Variants in CEP152 observed in about 807,000 individuals in gnomAD.
The protein encoded by CEP152 is centrosomal protein of 152 kDa.
A neutral mutation model predicts 188.9 loss-of-function variants in CEP152; 132 were observed. The ratio of observed to expected loss-of-function variants is 0.70; its 90% CI spans 0.61 to 0.81. CEP152 has a LOEUF of 0.81. CEP152 is among the 30% of genes least tolerant of loss of function. CEP152 has a pLI of 0.00. For synonymous variants in CEP152, 649 were observed against 666.6 expected, an observed-to-expected ratio of 0.97 and a Z score of 0.41; for missense variants, 1,914 against 1,969.8, an observed-to-expected ratio of 0.97 and a Z score of 0.54.
intron 21 of CEP152, among the ~76,000 whole-genome samples, chr15:48,751,157 C>T (rs1893848404): frequency 2.6e-5 from 4 of 151,984 alleles, no homozygotes; most frequent in Admixed American, 6.6e-5. Flanking sequence ...TTAATCCTTT[C>T]TAATGAATTT....
chr15:48,749,663 T>C (rs748305403), intron 21 of CEP152, among the ~76,000 whole-genome samples: 1 of 151,290 alleles, frequency 6.6e-6, no homozygotes, highest in Non-Finnish European at 1.5e-5. Flanking sequence ...AAACCCCAAA[T>C]GAGAAAAGTT....
intron 23 of CEP152, 75 bp from the exon 24 acceptor site, chr15:48,744,418 C>T: frequency 6.4e-7 from 1 of 1,573,882 alleles, no homozygotes; most frequent in Non-Finnish European, 8.6e-7. Flanking sequence ...TATATGTATC[C>T]ATATACTCTA....
chr15:48,750,930 T>C (rs1893827749), intron 21 of CEP152, among the ~76,000 whole-genome samples: 1 of 152,164 alleles, frequency 6.6e-6, no homozygotes, highest in South Asian at 2.1e-4. Flanking sequence ...TGATGTTCTG[T>C]ACCTTAAGCT....
intron 18 of CEP152, among the ~76,000 whole-genome samples, chr15:48,760,958 C>T (rs1356808188): frequency 6.6e-6 from 1 of 152,042 alleles, no homozygotes; most frequent in East Asian, 1.9e-4. Flanking sequence ...CTGTATTTCT[C>T]GTTAAAGTGC....
intron 10 of CEP152, among the ~76,000 whole-genome samples, chr15:48,782,784 G>C (rs1896340981): frequency 6.6e-6 from 1 of 152,088 alleles, no homozygotes; most frequent in Non-Finnish European, 1.5e-5. Context: ...ACATTATTAG[G>C]TTTCAAAAGA....
chr15:48,772,673 G>A lies in CEP152; in HGVS notation c.1596C>T (p.Asp532=). The change falls in exon 13 of 27, where the codon GAC becomes GAT. Residue 532 remains aspartate (D), a synonymous_variant. Transcript: ENST00000380950. ...SKVTSIVQEE[D]PNEELSKDEF... Reference sequence around the variant, plus strand: ...CATCTTTTGAAAGCTCTTCATTTGGGTCTTCTTCTTGTACAATGCTAATGG... The same window carrying A: ...CATCTTTTGAAAGCTCTTCATTTGGATCTTCTTCTTGTACAATGCTAATGG... The A allele has an allele frequency of 6.2e-7, 1 of 1,613,850 alleles. No homozygotes were observed. Among genetic ancestry groups the A allele is most frequent in the Non-Finnish European group, 8.5e-7 (1 of 1,179,930 alleles).
At chr15:48,783,178 A>G (rs1384083911) in intron 10 of CEP152, 2 of 152,206 alleles carry the variant, frequency 1.3e-5, no homozygotes, top group Non-Finnish European at 2.9e-5. Flanking sequence ...TTTTGTCTAT[A>G]TAGCGGTGTT....
chr15:48,758,887 T>C (rs552475992), intron 19 of CEP152, among the ~76,000 whole-genome samples: 1 of 152,302 alleles, frequency 6.6e-6, no homozygotes, highest in Admixed American at 6.5e-5. Context: ...CATTTCTATA[T>C]GTCTGCTTTC....
intron 8 of CEP152, among the ~76,000 whole-genome samples, chr15:48,790,248 C>G (rs1480124194): frequency 6.6e-6 from 1 of 151,996 alleles, no homozygotes; most frequent in African/African-American, 2.4e-5. Context: ...ACATAATGAC[C>G]AAACAGAAAA....
At chr15:48,805,424 C>G (rs1897914210) in intron 2 of CEP152, 139 bp downstream of exon 2, 2 of 1,164,556 alleles carry the variant, frequency 1.7e-6, no homozygotes, top group Non-Finnish European at 2.3e-6. Context: ...AAATAGCAAG[C>G]AGATTTTAGG....
chr15:48,748,318 C>T, intron 22 of CEP152, 125 bp downstream of exon 22: 3 of 1,285,736 alleles, frequency 2.3e-6, no homozygotes, highest in Non-Finnish European at 2.9e-6. Context: ...AAAATAAGAT[C>T]CAAATTAGTT....
chr15:48,741,052 T>C, intron 26 of CEP152: 2 of 990,668 alleles, frequency 2.0e-6, no homozygotes, highest in Non-Finnish European at 2.4e-6. Context: ...GGTTTTGAAC[T>C]GAGGTTTCCA....
chr15:48,735,218 G>C (rs1174469212), downstream of CEP152, among the ~76,000 whole-genome samples: 1 of 152,158 alleles, frequency 6.6e-6, no homozygotes, highest in African/African-American at 2.4e-5. Context: ...TTGAAAATCT[G>C]CAATTCTTAG....
At chr15:48,736,344 A>C (rs2140532768), downstream of CEP152, among the ~76,000 whole-genome samples, 1 of 152,342 alleles carries the variant, frequency 6.6e-6, no homozygotes, top group Non-Finnish European at 1.5e-5. Flanking sequence ...TGGGAAAACA[A>C]GAGACCAATA....
intron 22 of CEP152, among the ~76,000 whole-genome samples, chr15:48,745,452 TTGTG>T (rs146471066): frequency 8.7e-5 from 13 of 150,154 alleles, no homozygotes; most frequent in Non-Finnish European, 1.3e-4. Flanking sequence ...TCTTTGAACT[TTGTG>T]TGTGTGTGTG....
At position 48,738,164 on chromosome 15, in the gene CEP152, AG is replaced by A. The variant is rs1892697884; in HGVS notation, c.*84del. ...GTTATTAAAACATCTCAAAAGAGGC[AG>A]GGCTCACAATTTTTTTCAGTATGAG... On this transcript the variant is annotated 3_prime_UTR_variant, in exon 27 of 27. Transcript: ENST00000380950. 12 of 1,356,842 alleles carry A rather than the reference AG, an allele frequency of 8.8e-6. No homozygotes were observed. Among genetic ancestry groups the A allele is most frequent in the African/African-American group, 1.5e-5 (1 of 67,984 alleles). 84.1% of individuals were successfully genotyped at this position (1,356,842 alleles called of 1,614,324 possible). A position where few individuals can be genotyped will look rare whatever the true frequency, so the allele number is the denominator to read the frequency against.
At chr15:48,799,961 C>G (rs570739057) in intron 2 of CEP152, among the ~76,000 whole-genome samples, 1 of 152,176 alleles carries the variant, frequency 6.6e-6, no homozygotes, top group South Asian at 2.1e-4. Flanking sequence ...GACTCCTGAA[C>G]AGAAAGAATA....
chr15:48,807,189 G>A (rs1218862735), intron 1 of CEP152, among the ~76,000 whole-genome samples: 1 of 152,140 alleles, frequency 6.6e-6, no homozygotes, highest in Non-Finnish European at 1.5e-5. Context: ...AGGGCTAAAC[G>A]GGGGAAGAGA....
rs769581425 is a variant in CEP152, at chr15:48,738,407, G to C, written c.4975C>G (p.Pro1659Ala). 6.2e-7 allele frequency: 1 copy of C among 1,614,112 alleles called. No homozygotes were observed. The highest frequency in any genetic ancestry group is 2.2e-5 in the East Asian group (1 of 44,880). Residue 1659 changes from proline (P) to alanine (A), a missense_variant, in exon 27 of 27, where the codon CCA becomes GCA. By Grantham distance (27) the Pro-to-Ala change is conservative. Coordinates refer to ENST00000380950, the MANE Select transcript of CEP152 (RefSeq NM_001194998.2). Reference sequence around the variant, plus strand: ...AATCTATCAGCCTTATGACGAGATGGGTGTCCACAATTCACACTGATCTTT... The same window carrying C: ...AATCTATCAGCCTTATGACGAGATGCGTGTCCACAATTCACACTGATCTTT... ...PGKISVNCGH[P>A]SRHKADRLKS...
Sources: gnomAD v4.1 joint callset for allele counts (sites outside exome capture counted in the v4.1 genomes callset) on GRCh38, gnomAD v4.1.1 for gene constraint, MANE v1.5 for transcripts, NCBI Gene and HGNC (gene_info 2026-07-23, HGNC 2026-07-21) for gene names.